Variants in PDIA6 observed in about 807,000 individuals in gnomAD.
The protein encoded by PDIA6 is protein disulfide-isomerase A6.
PDIA6 carries 29 observed loss-of-function variants against 58.4 expected under a neutral mutation model. The ratio of observed to expected loss-of-function variants is 0.50; its 90% confidence interval spans 0.37 to 0.68. The LOEUF (loss-of-function observed/expected upper bound fraction) is 0.68. Among genes scored for constraint, PDIA6 ranks in the 30% least tolerant of loss-of-function variants. PDIA6 has a pLI of 0.00. For synonymous variants in PDIA6, 192 were observed against 202.6 expected, an observed-to-expected ratio of 0.95 and a Z score of 0.44; for missense variants, 480 against 551.0, an observed-to-expected ratio of 0.87 and a Z score of 1.29.
At chr2:10,797,587 C>A in intron 3 of PDIA6, 113 bp downstream of exon 3, 2 of 743,604 alleles carry the variant, frequency 2.7e-6, no homozygotes, top group Admixed American at 2.4e-5. Flanking sequence ...TCCCATTGAA[C>A]ATTAAACCAT....
At chr2:10,813,968 G>A (rs921200548), upstream of PDIA6, among the ~76,000 whole-genome samples, 1 of 149,806 alleles carries the variant, frequency 6.7e-6, no homozygotes, top group Admixed American at 6.6e-5. Context: ...CAGGTGATCC[G>A]CCTGCTTCGG....
intron 4 of PDIA6, among the ~76,000 whole-genome samples, chr2:10,795,244 A>G (rs1171723115): frequency 1.3e-5 from 2 of 152,210 alleles, no homozygotes; most frequent in African/African-American, 4.8e-5. Context: ...GTGCAAAAGG[A>G]GCCAGAGACA....
At position 10,783,437 on chromosome 2, in the gene PDIA6, C is replaced by G. The variant is rs559009388; in HGVS notation, c.*821G>C. On this transcript the variant is annotated 3_prime_UTR_variant, in exon 13 of 13. Transcript: ENST00000272227. ...TTTTTAAGTTACAATAAAATGCTCT[C>G]AAGTCCTTTGAATGTTCCAACAAAT... 2.0e-6 allele frequency: 1 copy of G among 500,906 alleles called. No homozygotes were observed. The highest frequency in any genetic ancestry group is 2.8e-5 in the South Asian group (1 of 35,264). 31.0% of individuals were successfully genotyped at this position (500,906 alleles called of 1,614,324 possible).
At chr2:10,803,320 G>C (rs1314080913) in intron 1 of PDIA6, among the ~76,000 whole-genome samples, 1 of 152,148 alleles carries the variant, frequency 6.6e-6, no homozygotes, top group Non-Finnish European at 1.5e-5. Context: ...ATCACGCCCG[G>C]CTAATTTTGT....
At chr2:10,795,326 C>T (rs1281561344) in intron 4 of PDIA6, among the ~76,000 whole-genome samples, 1 of 152,110 alleles carries the variant, frequency 6.6e-6, no homozygotes, top group Non-Finnish European at 1.5e-5. Flanking sequence ...ACTGACTGCA[C>T]TAAAAACATG....
Position 10,784,831 on chromosome 2 carries a change from C to G in PDIA6, c.1254+103G>C. On this transcript the variant is annotated intron_variant, in intron 12 of 12. Coordinates refer to ENST00000272227, the MANE Select transcript of PDIA6 (RefSeq NM_005742.4). ...TAAAAGGCCCACGGGTGCACCAGGG[C>G]TGAGGTCTGATGGGAAGGACTTGAC... 6.1e-6 allele frequency: 5 copies of G among 818,616 alleles called. No individual in the cohort carries two copies. In the South Asian group the frequency reaches 6.3e-5, roughly 10 times the overall value. 50.7% of individuals were successfully genotyped at this position (818,616 alleles called of 1,614,324 possible).
chr2:10,787,153 C>A (rs959669040), intron 11 of PDIA6, 128 bp downstream of exon 11: 1 of 801,444 alleles, frequency 1.2e-6, no homozygotes, highest in South Asian at 1.6e-5. Context: ...ACATTCAATT[C>A]TCTGGAATTA....
chr2:10,805,382 A>C (rs1666690257), intron 1 of PDIA6, among the ~76,000 whole-genome samples: 5 of 71,122 alleles, frequency 7.0e-5, no homozygotes, highest in Non-Finnish European at 1.1e-4. Context: ...ACCAGTTAGA[A>C]TGGCAATCAT....
intron 1 of PDIA6, among the ~76,000 whole-genome samples, chr2:10,811,785 C>G (rs2357821): frequency 0.49 from 73,974 of 152,112 alleles, 19,598 homozygotes; most frequent in South Asian, 0.58. Flanking sequence ...TAAGACGCCG[C>G]GTTCCATTTC....
chr2:10,792,521 C>G (rs1187047344), intron 5 of PDIA6, among the ~76,000 whole-genome samples: 1 of 152,136 alleles, frequency 6.6e-6, no homozygotes, highest in Non-Finnish European at 1.5e-5. Flanking sequence ...TATAAAGAAG[C>G]TAGTGTAACT....
intron 1 of PDIA6, among the ~76,000 whole-genome samples, chr2:10,825,081 C>T (rs932581917): frequency 1.3e-5 from 2 of 152,170 alleles, no homozygotes; most frequent in Non-Finnish European, 2.9e-5. Context: ...CTGGCCTAGC[C>T]TCCTAGCCTA....
chr2:10,800,152 C>A (rs114887008), intron 2 of PDIA6, among the ~76,000 whole-genome samples: 4,687 of 152,272 alleles, frequency 0.031, 256 homozygotes, highest in African/African-American at 0.11. Context: ...TATCTTCAAA[C>A]ATCATTTATG....
At chr2:10,788,584 A>AAC in intron 10 of PDIA6, 113 bp downstream of exon 10, 2 of 744,090 alleles carry the variant, frequency 2.7e-6, no homozygotes, top group Non-Finnish European at 4.6e-6. Context: ...AAAAAAAAAC[A>AAC]TATAGCAGAG....
At chr2:10,835,544 GC>G (rs761144636), upstream of PDIA6, among the ~76,000 whole-genome samples, 4 of 152,224 alleles carry the variant, frequency 2.6e-5, no homozygotes, top group Non-Finnish European at 4.4e-5. Context: ...GGCCCAGGGA[GC>G]CGGCCCGGCA....
At chr2:10,786,529 C>T (rs1665767703) in intron 11 of PDIA6, among the ~76,000 whole-genome samples, 3 of 124,764 alleles carry the variant, frequency 2.4e-5, no homozygotes, top group Non-Finnish European at 4.5e-5. Context: ...AGCACACACA[C>T]ACGTCTCCAC....
chr2:10,825,648 A>G (rs191854660), intron 1 of PDIA6, among the ~76,000 whole-genome samples: 383 of 152,352 alleles, frequency 2.5e-3, no homozygotes, highest in Non-Finnish European at 4.1e-3. Flanking sequence ...AAAAGAACCA[A>G]TTTAAAAATG....
chr2:10,794,012 A>AATT (rs1282851474), intron 4 of PDIA6, among the ~76,000 whole-genome samples: 16 of 152,348 alleles, frequency 1.1e-4, no homozygotes, highest in African/African-American at 3.6e-4. Context: ...AGATGATAAT[A>AATT]GTCTTTGGAA....
upstream of PDIA6, among the ~76,000 whole-genome samples, chr2:10,833,267 C>T (rs1275774335): frequency 6.6e-6 from 1 of 152,196 alleles, no homozygotes; most frequent in Non-Finnish European, 1.5e-5. Flanking sequence ...GGCCCAGGAT[C>T]TGGGGTCTTT....
chr2:10,818,810 A>C (rs56162318), intron 2 of PDIA6, among the ~76,000 whole-genome samples: 18,590 of 152,038 alleles, frequency 0.12, 1,468 homozygotes, highest in Non-Finnish European at 0.18. Context: ...GGCGTGAGCC[A>C]CCATACCTGG....
Sources: allele counts gnomAD v4.1 joint callset (sites outside exome capture counted in the v4.1 genomes callset), GRCh38; gene constraint gnomAD v4.1.1; transcripts MANE v1.5; gene names NCBI Gene and HGNC (gene_info 2026-07-23, HGNC 2026-07-21).